Variants in SFXN5 observed in about 807,000 individuals in gnomAD.
The protein encoded by SFXN5 is sideroflexin-5.
In SFXN5, 43 loss-of-function variants were observed where a neutral mutation model predicts 50.2. That is an observed-to-expected ratio of 0.86 (90% CI 0.67 to 1.11). SFXN5 has a LOEUF of 1.11. SFXN5 is among the 50% of genes least tolerant of loss of function. The pLI, the probability that SFXN5 is intolerant of heterozygous loss-of-function variation, is 0.00. For synonymous variants in SFXN5, 203 were observed against 185.8 expected (o/e 1.09, Z -0.75); for missense variants, 463 against 454.1 (o/e 1.02, Z -0.18).
chr2:73,041,657 T>C, intron 2 of SFXN5: 1 of 410,288 alleles, frequency 2.4e-6, no homozygotes, highest in Non-Finnish European at 5.0e-6. Context: ...AGTGCAAGAC[T>C]CCATCTAAAA....
At chr2:73,012,124 C>T (rs988443919) in intron 6 of SFXN5, among the ~76,000 whole-genome samples, 3 of 152,048 alleles carry the variant, frequency 2.0e-5, no homozygotes, top group African/African-American at 7.2e-5. Context: ...TAATGGAAAA[C>T]TCCACAAAAC....
intron 10 of SFXN5, among the ~76,000 whole-genome samples, chr2:72,972,229 T>C (rs1332837753): frequency 1.3e-5 from 2 of 152,294 alleles, no homozygotes; most frequent in East Asian, 3.9e-4. Context: ...CACCACCCCC[T>C]CATCATATGG....
At chr2:73,053,342 C>T (rs1430890198) in intron 2 of SFXN5, 1 of 154,380 alleles carries the variant, frequency 6.5e-6, no homozygotes, top group Admixed American at 6.5e-5. Flanking sequence ...AAAGAGCCCC[C>T]AGCCACACCT....
Position 73,065,602 on chromosome 2 carries a change from G to C in SFXN5, c.102+6002C>G, listed in dbSNP as rs1574276715. Among the ~76,000 whole-genome samples, 6 of 152,274 alleles carry C rather than the reference G, an allele frequency of 3.9e-5. No homozygotes were observed. The South Asian group carries it at 1.2e-3, about 32-fold the overall frequency. ...TGTAGAGACAGGGTTTTGCCATGTT[G>C]GCCAGGCTGGTCTTGAACTCCTGAC... On this transcript the variant is annotated intron_variant, in intron 1 of 13. Coordinates refer to ENST00000272433, the MANE Select transcript of SFXN5 (RefSeq NM_144579.3).
chr2:72,956,135 T>C lies in SFXN5; in HGVS notation c.945+4996A>G, dbSNP rs574774947. On this transcript the variant is annotated intron_variant, in intron 13 of 13. Coordinates refer to ENST00000272433, the MANE Select transcript of SFXN5 (RefSeq NM_144579.3). ...CTGGGTGTGATGGGCCCATCCATGT[T>C]TGGGGACAGGCTGGTGGGGCAGGCC... Among the ~76,000 whole-genome samples the C allele has an allele frequency of 2.6e-5, 4 of 152,292 alleles. No individual in the cohort carries two copies. In the South Asian group the frequency reaches 8.3e-4, roughly 32 times the overall value.
At chr2:73,059,501 G>C in intron 1 of SFXN5, 2 of 985,326 alleles carry the variant, frequency 2.0e-6, no homozygotes, top group Non-Finnish European at 2.4e-6. Flanking sequence ...TAGGACACCA[G>C]ACCCTGCAGC....
At chr2:72,954,245 G>A (rs1490993038) in intron 13 of SFXN5, among the ~76,000 whole-genome samples, 1 of 152,172 alleles carries the variant, frequency 6.6e-6, no homozygotes, top group African/African-American at 2.4e-5. Context: ...GGGACATGGG[G>A]AGTTCCCAGG....
Position 72,942,258 on chromosome 2 carries a change from G to A in SFXN5, c.*2764C>T, listed in dbSNP as rs1375926702. ...GCTCCTGCCCTTTTCCCAGGCCAGAGGCCAGAACACCAAAGAAGTCGGCTC... is the reference window on the plus strand; with the variant it reads ...GCTCCTGCCCTTTTCCCAGGCCAGAAGCCAGAACACCAAAGAAGTCGGCTC... On this transcript the variant is annotated 3_prime_UTR_variant, in exon 14 of 14. Coordinates refer to ENST00000272433, the MANE Select transcript of SFXN5 (RefSeq NM_144579.3). 1 of 152,242 alleles carries A rather than the reference G, an allele frequency of 6.6e-6. No individual in the cohort carries two copies. Among genetic ancestry groups the A allele is most frequent in the African/African-American group, 2.4e-5 (1 of 41,442 alleles). The allele number at this position is 152,242 out of a possible 1,614,324, so 9.4% of individuals were successfully genotyped here.
intron 13 of SFXN5, among the ~76,000 whole-genome samples, chr2:72,954,514 C>T (rs1025169079): frequency 1.3e-5 from 2 of 152,156 alleles, no homozygotes; most frequent in African/African-American, 4.8e-5. Flanking sequence ...CCCCAGGGGC[C>T]CCTGCAACAG....
At chr2:73,001,319 T>C (rs544503889) in intron 7 of SFXN5, among the ~76,000 whole-genome samples, 3 of 152,294 alleles carry the variant, frequency 2.0e-5, no homozygotes, top group South Asian at 2.1e-4. Flanking sequence ...ACATGGTGGA[T>C]TGAGACATGC....
chr2:73,012,649 A>AACTC (rs1675657183), intron 6 of SFXN5, among the ~76,000 whole-genome samples: 1 of 125,858 alleles, frequency 7.9e-6, no homozygotes, highest in South Asian at 3.0e-4. Flanking sequence ...CTAGCCAAAC[A>AACTC]ACACACACAC....
At chr2:73,007,203 C>G (rs73943036) in intron 6 of SFXN5, among the ~76,000 whole-genome samples, 9,266 of 152,174 alleles carry the variant, frequency 0.061, 338 homozygotes, top group East Asian at 0.14. Context: ...CCCCCACCCC[C>G]TTGGCCACCT....
chr2:73,065,235 G>T (rs977405511), intron 1 of SFXN5, among the ~76,000 whole-genome samples: 1 of 152,042 alleles, frequency 6.6e-6, no homozygotes, highest in Non-Finnish European at 1.5e-5. Context: ...CAAGTAGCTG[G>T]GACTACAGGT....
At chr2:73,071,341 C>CCGCGGGCGGGAAAGGCTAGAGGG (rs1295976538) in intron 1 of SFXN5, 1 of 452,306 alleles carries the variant, frequency 2.2e-6, no homozygotes, top group African/African-American at 2.1e-5. Context: ...TCACAGGGCG[C>CCGCGGGCGGGAAAGGCTAGAGGG]CGCGGGCGGG....
chr2:73,022,398 A>C, intron 5 of SFXN5, 124 bp downstream of exon 5: 1 of 747,648 alleles, frequency 1.3e-6, no homozygotes, highest in Non-Finnish European at 2.4e-6. Flanking sequence ...TAGAGGTGCA[A>C]ATATGGCCAT....
intron 5 of SFXN5, among the ~76,000 whole-genome samples, chr2:73,020,482 A>C (rs1574137738): frequency 6.6e-6 from 1 of 152,212 alleles, no homozygotes; most frequent in South Asian, 2.1e-4. Flanking sequence ...CCCTTTGGCC[A>C]GGCAGCTTTC....
rs1574262951 is a variant in SFXN5, at chr2:73,058,307, T to C, written c.171+221A>G. 7 of 467,312 alleles carry C rather than the reference T, an allele frequency of 1.5e-5. No individual in the cohort carries two copies. The East Asian group carries it at 1.6e-4, about 11-fold the overall frequency. The allele number at this position is 467,312 out of a possible 1,614,324, so 28.9% of individuals were successfully genotyped here. A position where few individuals can be genotyped will look rare whatever the true frequency, so the allele number is the denominator to read the frequency against. ...TTGTTGTGAGATCCAAATGATATAATGTAAAAAGCATACAGCACAATGTAT... is the reference window on the plus strand; with the variant it reads ...TTGTTGTGAGATCCAAATGATATAACGTAAAAAGCATACAGCACAATGTAT... On this transcript the variant is annotated intron_variant, in intron 2 of 13. Coordinates refer to ENST00000272433, the MANE Select transcript of SFXN5 (RefSeq NM_144579.3).
chr2:72,999,945 TG>T (rs890897182), intron 8 of SFXN5, among the ~76,000 whole-genome samples: 5 of 151,940 alleles, frequency 3.3e-5, no homozygotes, highest in Non-Finnish European at 5.9e-5. Flanking sequence ...GCAGGGGCTC[TG>T]GGGGGGAGTT....
intron 10 of SFXN5, among the ~76,000 whole-genome samples, chr2:72,981,436 T>G (rs759933512): frequency 1.4e-4 from 21 of 152,118 alleles, no homozygotes; most frequent in Admixed American, 3.3e-4. Flanking sequence ...CAGCAAGGCT[T>G]ACATCAAACC....
Sources: allele counts gnomAD v4.1 joint callset (sites outside exome capture counted in the v4.1 genomes callset), GRCh38; gene constraint gnomAD v4.1.1; transcripts MANE v1.5; gene names NCBI Gene and HGNC (gene_info 2026-07-23, HGNC 2026-07-21).